Variants in NIPAL1 observed in about 807,000 individuals in gnomAD.
The protein encoded by NIPAL1 is magnesium transporter NIPA3.
A neutral mutation model predicts 37.7 loss-of-function variants in NIPAL1; 35 were observed. The ratio of observed to expected loss-of-function variants is 0.93; its 90% CI spans 0.71 to 1.23. NIPAL1 has a LOEUF of 1.23. Ranked by LOEUF, NIPAL1 falls within the 50% of genes most tolerant of loss-of-function variation. The pLI is 0.00. For synonymous variants in NIPAL1, 162 were observed against 183.0 expected, an observed-to-expected ratio of 0.89 and a Z score of 0.93; for missense variants, 412 against 473.9, an observed-to-expected ratio of 0.87 and a Z score of 1.21.
At chr4:48,024,924 T>A (rs1250183100) in intron 1 of NIPAL1, 144 bp from the exon 2 acceptor site, 3 of 676,732 alleles carry the variant, frequency 4.4e-6, no homozygotes, top group Admixed American at 5.3e-5. Context: ...TCTATAGGTC[T>A]GTGGGCCACC....
intron 4 of NIPAL1, 72 bp downstream of exon 4, chr4:48,033,155 A>G (rs1715858733): frequency 2.1e-6 from 2 of 938,906 alleles, no homozygotes; most frequent in Non-Finnish European, 1.7e-6. Context: ...CATAATAAAC[A>G]TATGGCTATG....
intron 4 of NIPAL1, among the ~76,000 whole-genome samples, chr4:48,033,958 G>GT (rs1453725767): frequency 6.6e-6 from 1 of 152,170 alleles, no homozygotes; most frequent in Non-Finnish European, 1.5e-5. Flanking sequence ...AGTAATAGTA[G>GT]TATCTTCACT....
chr4:48,032,525 A>G (rs577417976), intron 3 of NIPAL1, among the ~76,000 whole-genome samples: 3 of 152,342 alleles, frequency 2.0e-5, no homozygotes, highest in Non-Finnish European at 4.4e-5. Context: ...TCATGGGCCT[A>G]TGGCAGGTAT....
intron 1 of NIPAL1, 52 bp from the exon 2 acceptor site, chr4:48,025,016 A>T: frequency 6.5e-7 from 1 of 1,536,534 alleles, no homozygotes; most frequent in Non-Finnish European, 9.0e-7. Flanking sequence ...GCCGGTAAGC[A>T]TTAATACCTC....
intron 4 of NIPAL1, 43 bp downstream of exon 4, chr4:48,033,126 G>T: frequency 8.0e-7 from 1 of 1,248,778 alleles, no homozygotes; most frequent in South Asian, 1.2e-5. Flanking sequence ...GGTATTTTAA[G>T]ACCAAGATAA....
chr4:48,019,620 A>G (rs1456769148), intron 1 of NIPAL1, among the ~76,000 whole-genome samples: 1 of 152,220 alleles, frequency 6.6e-6, no homozygotes, highest in Admixed American at 6.5e-5. Flanking sequence ...GTGAGAAGGA[A>G]CTTATTCTAT....
At chr4:48,019,891 A>G (rs1715534130) in intron 1 of NIPAL1, among the ~76,000 whole-genome samples, 1 of 152,214 alleles carries the variant, frequency 6.6e-6, no homozygotes. Flanking sequence ...AACCTGGCTG[A>G]CTGCAGTTTC....
chr4:48,018,233 C>T (rs1308326626), intron 1 of NIPAL1, among the ~76,000 whole-genome samples: 1 of 152,146 alleles, frequency 6.6e-6, no homozygotes, highest in Admixed American at 6.6e-5. Context: ...TAATTTCTAA[C>T]CCAGCAAATC....
intron 1 of NIPAL1, among the ~76,000 whole-genome samples, chr4:48,022,783 G>A (rs565605588): frequency 6.6e-6 from 1 of 151,952 alleles, no homozygotes; most frequent in African/African-American, 2.4e-5. Context: ...AAAATTTGCA[G>A]CATCAGCCTG....
At chr4:48,031,430 T>C (rs368098019) in intron 3 of NIPAL1, among the ~76,000 whole-genome samples, 24 of 152,154 alleles carry the variant, frequency 1.6e-4, no homozygotes, top group African/African-American at 5.8e-4. Context: ...AAGGGCTGTC[T>C]GGGAAGATTC....
rs994413262 is a variant in NIPAL1, at chr4:48,037,767, C to A, written c.*1595C>A. ...ATTAAAATGTTTATAAAATTTTCCC[C>A]TCTCATTTCAAATGCATGGCAGGAA... On this transcript the variant is annotated 3_prime_UTR_variant, in exon 6 of 6. Transcript: ENST00000295461. 1.3e-5 allele frequency: 2 copies of A among 151,980 alleles called. No individual in the cohort carries two copies. Among genetic ancestry groups the A allele is most frequent in the African/African-American group, 4.8e-5 (2 of 41,398 alleles). The allele number at this position is 151,980 out of a possible 1,614,324, so 9.4% of individuals were successfully genotyped here.
intron 3 of NIPAL1, among the ~76,000 whole-genome samples, chr4:48,031,565 G>A (rs4694880): frequency 0.82 from 124,547 of 152,114 alleles, 51,643 homozygotes; most frequent in Non-Finnish European, 0.89. Context: ...TGTTTTCACC[G>A]TGTAAAAAAG....
chr4:48,027,369 C>G lies in NIPAL1; in HGVS notation c.313+2035C>G, dbSNP rs930928401. ...TCACTAGTACCCAAAGAGATACCAA[C>G]TAGACAATAGTCAGGTTCAGTGTGG... On this transcript the variant is annotated intron_variant, in intron 2 of 5. Transcript: ENST00000295461. This position sits in a 1 kb window ranked among gnomAD's most constrained non-coding sequence, Gnocchi z 4.1. Among the ~76,000 whole-genome samples, 2 of 152,062 alleles carry G rather than the reference C, an allele frequency of 1.3e-5. No homozygotes were observed. The highest frequency in any genetic ancestry group is 3.2e-3 in the Middle Eastern group (1 of 316).
chr4:48,030,137 T>G lies in NIPAL1; in HGVS notation c.331T>G (p.Tyr111Asp), dbSNP rs948009540. The change falls in exon 3 of 6, where the codon TAC becomes GAC. Residue 111 changes from tyrosine (Y) to aspartate (D), a missense_variant. By Grantham distance (160) the Tyr-to-Asp change is radical. Transcript: ENST00000295461. ...TATTTTAGGACAAGGTGGACATTCT[T>G]ACCTGAAGGAATGGCTCTGGTGGGT... ...FTRAGQGGHS[Y>D]LKEWLWWVGL... The G allele has an allele frequency of 2.5e-6, 4 of 1,604,288 alleles. No homozygotes were observed. Among genetic ancestry groups the G allele is most frequent in the Non-Finnish European group, 8.5e-7 (1 of 1,171,448 alleles).
Position 48,035,034 on chromosome 4 carries a change from A to G in NIPAL1, c.615A>G (p.Arg205=), listed in dbSNP as rs1280060021. 6.2e-7 allele frequency: 1 copy of G among 1,613,690 alleles called. No individual in the cohort carries two copies. Among genetic ancestry groups the G allele is most frequent in the African/African-American group, 1.3e-5 (1 of 74,938 alleles). ...TSLHEMEMKL[R]DPGFISFAVI... ...TGCATGAAATGGAAATGAAATTGAG[A>G]GACCCAGGTCTGTGATTCAACCTAA... Residue 205 remains arginine (R), a synonymous_variant, in exon 5 of 6, where the codon AGA becomes AGG. Transcript: ENST00000295461.
chr4:48,034,335 C>A (rs1379854019), intron 4 of NIPAL1, among the ~76,000 whole-genome samples: 2 of 151,784 alleles, frequency 1.3e-5, no homozygotes, highest in African/African-American at 4.8e-5. Context: ...TTTTCTTTAG[C>A]TCATTAGCTA....
At chr4:48,020,820 G>A (rs1288657405) in intron 1 of NIPAL1, among the ~76,000 whole-genome samples, 2 of 152,140 alleles carry the variant, frequency 1.3e-5, no homozygotes, top group Non-Finnish European at 2.9e-5. Context: ...AACTATCACA[G>A]TAGAATAGAT....
Position 48,016,987 on chromosome 4 carries a change from C to A in NIPAL1, c.46+102C>A. ...CGGAGACTGGAAAGGGGGGCTGTAC[C>A]GACTCTAAACGTAGTCGTTCACTCA... is the stretch of plus-strand genomic sequence containing the variant. On this transcript the variant is annotated intron_variant, in intron 1 of 5. Coordinates refer to ENST00000295461, the MANE Select transcript of NIPAL1 (RefSeq NM_207330.3). 5 of 918,718 alleles carry A rather than the reference C, an allele frequency of 5.4e-6. No homozygotes were observed. The South Asian group carries it at 8.0e-5, about 15-fold the overall frequency. The allele number at this position is 918,718 out of a possible 1,614,324, so 56.9% of individuals were successfully genotyped here.
At position 48,036,103 on chromosome 4, in the gene NIPAL1, A is replaced by G. The variant is rs1208949292; in HGVS notation, c.1164A>G (p.Leu388=). 3 of 1,610,182 alleles carry G rather than the reference A, an allele frequency of 1.9e-6. No homozygotes were observed. The highest frequency in any genetic ancestry group is 1.3e-5 in the African/African-American group (1 of 74,702). Reference sequence around the variant, plus strand: ...TCAATGAAAACAATTATGTTTTACTAGAGAACTTGGAGTGTTCAGCCCCAG... The same window carrying G: ...TCAATGAAAACAATTATGTTTTACTGGAGAACTTGGAGTGTTCAGCCCCAG... ...LNVNENNYVL[L]ENLECSAPGY... The change falls in exon 6 of 6, where the codon CTA becomes CTG. Residue 388 remains leucine (L), a synonymous_variant. Transcript: ENST00000295461.
Sources: gnomAD v4.1 joint callset for allele counts (sites outside exome capture counted in the v4.1 genomes callset) on GRCh38, gnomAD v4.1.1 for gene constraint, Gnocchi (gnomAD v3.1) non-coding constraint, MANE v1.5 for transcripts, NCBI Gene and HGNC (gene_info 2026-07-23, HGNC 2026-07-21) for gene names.